Variants in FRMD8 observed in about 807,000 individuals in gnomAD.
FRMD8 encodes the protein FERM domain-containing protein 8.
FRMD8 carries 37 observed loss-of-function variants against 54.2 expected under a neutral mutation model. The observed-to-expected ratio is 0.68, with a 90% confidence interval of 0.53 to 0.90. The LOEUF is 0.90. Among genes scored for constraint, FRMD8 ranks in the 40% least tolerant of loss-of-function variants. FRMD8 has a pLI of 0.00. For missense variants in FRMD8, 585 were observed against 653.7 expected, an observed-to-expected ratio of 0.89 and a Z score of 1.15; for synonymous variants, 246 against 286.9, an observed-to-expected ratio of 0.86 and a Z score of 1.44.
intron 10 of FRMD8, among the ~76,000 whole-genome samples, chr11:65,407,042 CA>C (rs572457480): frequency 1.1e-3 from 164 of 152,104 alleles, no homozygotes; most frequent in African/African-American, 3.8e-3. Context: ...TATTGAAGTC[CA>C]AAAGAATTTT....
At chr11:65,371,068 G>A in the FRMD8 span, among the ~76,000 whole-genome samples, 2 of 152,170 alleles carry the variant, frequency 1.3e-5, no homozygotes, top group African/African-American at 4.8e-5. Flanking sequence ...GGACATCTAA[G>A]GATGTGTGAC....
chr11:65,368,989 G>A, the FRMD8 span, among the ~76,000 whole-genome samples: 1 of 152,136 alleles, frequency 6.6e-6, no homozygotes, highest in African/African-American at 2.4e-5. Context: ...GAATGATGAA[G>A]GGGGACAGTG....
upstream of FRMD8, among the ~76,000 whole-genome samples, chr11:65,384,088 C>T (rs367816415): frequency 7.9e-5 from 12 of 152,132 alleles, no homozygotes; most frequent in East Asian, 1.3e-3. Flanking sequence ...CCAATCTCAC[C>T]GCCTCACCCC....
the FRMD8 span, chr11:65,379,039 T>A: frequency 3.2e-6 from 1 of 317,106 alleles, no homozygotes; most frequent in Non-Finnish European, 5.9e-6. Context: ...TTCTCCAGGG[T>A]CAAAGGTCTC....
chr11:65,379,673 G>A, the FRMD8 span: 1 of 1,296,772 alleles, frequency 7.7e-7, no homozygotes, highest in Non-Finnish European at 1.1e-6. Context: ...TCCTGCCACA[G>A]GGAAGTGGGG....
At chr11:65,407,839 G>A (rs1194281389) in intron 10 of FRMD8, among the ~76,000 whole-genome samples, 1 of 148,898 alleles carries the variant, frequency 6.7e-6, no homozygotes, top group Non-Finnish European at 1.5e-5. Context: ...AGCGGAGATC[G>A]CGCCACTGCA....
In FRMD8 at chr11:65,396,982, C is replaced by A; in HGVS notation, c.765C>A (p.Arg255=). The A allele has an allele frequency of 6.7e-7, 1 of 1,485,190 alleles. No individual in the cohort carries two copies. The allele number at this position is 1,485,190 out of a possible 1,614,324, so 92.0% of individuals were successfully genotyped here. A position where few individuals can be genotyped will look rare whatever the true frequency, so the allele number is the denominator to read the frequency against. ...AGGCCGCCCTGGGCACCCACTACCG[C>A]GCCTATCTCCTCAAGTGCCACGAGC... The part of the protein sequence containing the change: ...GCEAALGTHY[R]AYLLKCHELP... The change falls in exon 7 of 11, where the codon CGC becomes CGA. Residue 255 remains arginine, a synonymous_variant. Coordinates refer to ENST00000317568, the MANE Select transcript of FRMD8 (RefSeq NM_031904.5).
At position 65,412,094 on chromosome 11, in the gene FRMD8, C is replaced by T. The variant is rs1330030322; in HGVS notation, c.*734C>T. The T allele has an allele frequency of 6.6e-6, 1 of 152,284 alleles. No individual in the cohort carries two copies. The highest frequency in any genetic ancestry group is 1.5e-5 in the Non-Finnish European group (1 of 68,074). The allele number at this position is 152,284 out of a possible 1,614,324, so 9.4% of individuals were successfully genotyped here. A position where few individuals can be genotyped will look rare whatever the true frequency, so the allele number is the denominator to read the frequency against. Reference sequence around the variant, plus strand: ...GCACGAGATACCAGAAAGAGCATGCCTTTCTGATAGCCTTTGGTGATGTCA... The same window carrying T: ...GCACGAGATACCAGAAAGAGCATGCTTTTCTGATAGCCTTTGGTGATGTCA... On this transcript the variant is annotated 3_prime_UTR_variant, in exon 11 of 11. Transcript: ENST00000317568.
intron 3 of FRMD8, among the ~76,000 whole-genome samples, chr11:65,389,811 G>A (rs1187325696): frequency 1.3e-5 from 2 of 152,064 alleles, no homozygotes; most frequent in East Asian, 1.9e-4. Context: ...GAACAGTACC[G>A]CAGGAGGGAG....
chr11:65,380,670 T>C, the FRMD8 span: 1 of 1,181,908 alleles, frequency 8.5e-7, no homozygotes, highest in Non-Finnish European at 1.1e-6. Context: ...CAGAGGAGCT[T>C]CTCCCCTCCC....
intron 10 of FRMD8, among the ~76,000 whole-genome samples, chr11:65,406,696 T>C (rs1468812592): frequency 6.6e-6 from 1 of 151,758 alleles, no homozygotes; most frequent in African/African-American, 2.4e-5. Flanking sequence ...TCCTAGCACA[T>C]TGGGAGACCA....
At position 65,387,066 on chromosome 11, in the gene FRMD8, G is replaced by C. The variant is rs1855747664; in HGVS notation, c.30G>C (p.Gln10His). The change falls in exon 2 of 11, where the codon CAG becomes CAC. Residue 10 changes from glutamine to histidine, a missense_variant. Transcript: ENST00000317568. ...ACGGGACAGAAGGCAGTGCCGGGCA[G>C]CCCGGCCCCGCTGAGCGATCCCACC... MDGTEGSAG[Q>H]PGPAERSHRS... is the part of the protein sequence containing the mutation. The C allele has an allele frequency of 6.2e-7, 1 of 1,609,158 alleles. No individual in the cohort carries two copies. Among genetic ancestry groups the C allele is most frequent in the Non-Finnish European group, 8.5e-7 (1 of 1,180,004 alleles).
chr11:65,379,658 C>A, the FRMD8 span: 14 of 1,356,072 alleles, frequency 1.0e-5, no homozygotes, highest in African/African-American at 1.5e-5. Flanking sequence ...GAAACTGCTC[C>A]CAAGTCCTGC....
intron 10 of FRMD8, among the ~76,000 whole-genome samples, chr11:65,409,541 G>A (rs1429537540): frequency 2.0e-5 from 3 of 152,112 alleles, no homozygotes; most frequent in Non-Finnish European, 4.4e-5. Context: ...GGAGGCCGAG[G>A]CAGGCAGATT....
upstream of FRMD8, chr11:65,382,047 A>C: frequency 2.8e-6 from 3 of 1,062,430 alleles, no homozygotes; most frequent in Non-Finnish European, 4.4e-6. This position sits in a 1 kb window ranked among gnomAD's most constrained non-coding sequence, Gnocchi z 4.4. Flanking sequence ...CCTCCCACTA[A>C]TGTTTAACCC....
upstream of FRMD8, among the ~76,000 whole-genome samples, chr11:65,385,367 T>C (rs1315229621): frequency 6.6e-6 from 1 of 151,734 alleles, no homozygotes; most frequent in African/African-American, 2.4e-5. Flanking sequence ...GTGTGGATCA[T>C]AGGAGGGCAG....
intron 6 of FRMD8, among the ~76,000 whole-genome samples, chr11:65,394,684 T>A (rs1590651240): frequency 6.6e-6 from 1 of 152,126 alleles, no homozygotes; most frequent in African/African-American, 2.4e-5. Context: ...CCGGCCAGGG[T>A]CAGAGGAGCT....
chr11:65,376,754 C>A, the FRMD8 span: 1 of 1,613,880 alleles, frequency 6.2e-7, no homozygotes, highest in Admixed American at 1.7e-5. Flanking sequence ...CTTCCCCAGT[C>A]CCCGCTGGAC....
At position 65,411,557 on chromosome 11, in the gene FRMD8, CT is replaced by C. The variant is rs1182685708; in HGVS notation, c.*198del. ...GCTGTGCAAAGCTGGCCAGGGCCTC[CT>C]GTAGGGCTCCTCTGCAGCCTGCCCT... On this transcript the variant is annotated 3_prime_UTR_variant, in exon 11 of 11. Coordinates refer to ENST00000317568, the MANE Select transcript of FRMD8 (RefSeq NM_031904.5). 1 of 466,946 alleles carries C rather than the reference CT, an allele frequency of 2.1e-6. No individual in the cohort carries two copies. Among genetic ancestry groups the C allele is most frequent in the Non-Finnish European group, 3.8e-6 (1 of 260,802 alleles). 28.9% of individuals were successfully genotyped at this position (466,946 alleles called of 1,614,324 possible). A position where few individuals can be genotyped will look rare whatever the true frequency, so the allele number is the denominator to read the frequency against.
Sources: gnomAD v4.1 joint callset for allele counts (sites outside exome capture counted in the v4.1 genomes callset) on GRCh38, gnomAD v4.1.1 for gene constraint, Gnocchi (gnomAD v3.1) non-coding constraint, MANE v1.5 for transcripts, NCBI Gene and HGNC (gene_info 2026-07-23, HGNC 2026-07-21) for gene names.